The following ACTL8 variants were observed in gnomAD, a reference collection of about 807,000 sequenced individuals.
ACTL8 encodes actin-like protein 8.
A neutral mutation model predicts 9.3 loss-of-function variants in ACTL8; 3 were observed. The ratio of observed to expected loss-of-function variants is 0.32; its 90% CI spans 0.15 to 0.83. ACTL8 has a LOEUF of 0.83. ACTL8 is among the 40% of genes least tolerant of loss of function. ACTL8 has a pLI of 0.57. For missense variants in ACTL8, 381 were observed against 492.2 expected, an observed-to-expected ratio of 0.77 and a Z score of 2.14; for synonymous variants, 224 against 205.9, an observed-to-expected ratio of 1.09 and a Z score of -0.75.
intron 1 of ACTL8, among the ~76,000 whole-genome samples, chr1:17,781,482 G>T (rs956386736): frequency 2.0e-5 from 3 of 152,070 alleles, no homozygotes; most frequent in Non-Finnish European, 2.9e-5. Context: ...CAGGTGATCT[G>T]CCTGCCTCGA....
In ACTL8 at chr1:17,826,325, C is replaced by T; in HGVS notation, c.907C>T (p.Leu303Phe). 6.2e-7 allele frequency: 1 copy of T among 1,613,704 alleles called. No homozygotes were observed. Among genetic ancestry groups the T allele is most frequent in the Non-Finnish European group, 8.5e-7 (1 of 1,179,764 alleles). Residue 303 changes from leucine (L) to phenylalanine (F), a missense_variant, in exon 3 of 3, where the codon CTC becomes TTC. Around this residue, in one of 3 missense-constraint regions of ACTL8, gnomAD observed 243 missense variants for 276.2 expected, o/e 0.88. Coordinates refer to ENST00000375406, the MANE Select transcript of ACTL8 (RefSeq NM_030812.3). The surrounding 1 kb of genome is among the most constrained non-coding windows in gnomAD (Gnocchi z 4.5). ...SHVMACGGNT[L>F]YPGFTKRLFR... ...CGTGATGGCCTGCGGGGGCAACACC[C>T]TCTATCCCGGGTTCACAAAGCGCCT...
At chr1:17,768,724 G>A (rs2066063400) in intron 1 of ACTL8, among the ~76,000 whole-genome samples, 1 of 152,190 alleles carries the variant, frequency 6.6e-6, no homozygotes, top group Non-Finnish European at 1.5e-5. Context: ...ATGGAGCTCT[G>A]AGTCAGGCTC....
chr1:17,817,779 C>T (rs2066437901), intron 1 of ACTL8, among the ~76,000 whole-genome samples: 1 of 151,998 alleles, frequency 6.6e-6, no homozygotes, highest in Admixed American at 6.6e-5. Context: ...CGGCTCACTG[C>T]ACCCTCCATC....
chr1:17,808,228 C>T (rs956893418), intron 1 of ACTL8, among the ~76,000 whole-genome samples: 4 of 152,186 alleles, frequency 2.6e-5, no homozygotes, highest in African/African-American at 9.7e-5. Context: ...AAACATTGCA[C>T]AGACTTGAGG....
chr1:17,785,643 C>T (rs1190211529), intron 1 of ACTL8, among the ~76,000 whole-genome samples: 1 of 152,210 alleles, frequency 6.6e-6, no homozygotes, highest in Admixed American at 6.5e-5. Flanking sequence ...CTCACTATGG[C>T]TCCAGATAGT....
At chr1:17,825,678 C>T in intron 2 of ACTL8, 89 bp from the exon 3 acceptor site, 3 of 1,501,750 alleles carry the variant, frequency 2.0e-6, no homozygotes, top group Non-Finnish European at 2.7e-6. Flanking sequence ...CCGAGAGTCC[C>T]CCCGAGGATG....
intron 1 of ACTL8, among the ~76,000 whole-genome samples, chr1:17,780,587 G>A (rs546083432): frequency 2.0e-5 from 3 of 152,184 alleles, no homozygotes; most frequent in South Asian, 2.1e-4. Context: ...GGGTGTGTTC[G>A]AAGTAATGTA....
intron 1 of ACTL8, among the ~76,000 whole-genome samples, chr1:17,778,157 G>C (rs2066129978): frequency 6.6e-6 from 1 of 152,216 alleles, no homozygotes; most frequent in African/African-American, 2.4e-5. Flanking sequence ...TCTGTGCTTA[G>C]CAGCAAAAAG....
chr1:17,808,510 G>T (rs2066373566), intron 1 of ACTL8, among the ~76,000 whole-genome samples: 2 of 152,220 alleles, frequency 1.3e-5, no homozygotes, highest in African/African-American at 2.4e-5. Context: ...TCAAAGGTGG[G>T]TGGCGTGGGG....
chr1:17,768,655 C>T (rs1156810652), intron 1 of ACTL8, among the ~76,000 whole-genome samples: 3 of 152,104 alleles, frequency 2.0e-5, no homozygotes, highest in African/African-American at 7.2e-5. Context: ...GTTTTGGACA[C>T]AGTGATCCGG....
intron 1 of ACTL8, among the ~76,000 whole-genome samples, chr1:17,792,002 CT>C (rs1253958260): frequency 6.6e-6 from 1 of 151,830 alleles, no homozygotes; most frequent in African/African-American, 2.4e-5. Context: ...CCTGCCCCCC[CT>C]CATCAACCCC....
At chr1:17,810,826 A>G (rs2066389261) in intron 1 of ACTL8, among the ~76,000 whole-genome samples, 1 of 152,214 alleles carries the variant, frequency 6.6e-6, no homozygotes, top group African/African-American at 2.4e-5. Flanking sequence ...GTTGTCATGT[A>G]TATCAATAGT....
chr1:17,818,252 A>G (rs78148637), intron 1 of ACTL8, among the ~76,000 whole-genome samples: 3,093 of 152,270 alleles, frequency 0.02, 102 homozygotes, highest in African/African-American at 0.07. Context: ...ATTTCAGTCT[A>G]TGAGCCTTAC....
intron 1 of ACTL8, among the ~76,000 whole-genome samples, chr1:17,782,826 C>G (rs1040153225): frequency 2.6e-5 from 4 of 152,224 alleles, no homozygotes; most frequent in Admixed American, 6.5e-5. Flanking sequence ...ATGTACACAT[C>G]TCAAACGCCT....
chr1:17,795,798 C>G (rs1231384756), intron 1 of ACTL8, among the ~76,000 whole-genome samples: 1 of 152,128 alleles, frequency 6.6e-6, no homozygotes, highest in Admixed American at 6.6e-5. Flanking sequence ...TCACCTTCCC[C>G]GAGTTCGAGG....
intron 1 of ACTL8, among the ~76,000 whole-genome samples, chr1:17,781,029 C>CTGATCA (rs2066151233): frequency 2.6e-5 from 4 of 152,216 alleles, no homozygotes; most frequent in Non-Finnish European, 5.9e-5. Flanking sequence ...GATCGGTCAG[C>CTGATCA]AGACTGAGAT....
chr1:17,794,650 TTTTA>T (rs1460848951), intron 1 of ACTL8, among the ~76,000 whole-genome samples: 3 of 152,202 alleles, frequency 2.0e-5, no homozygotes, highest in Non-Finnish European at 2.9e-5. Flanking sequence ...TTTGCATAAT[TTTTA>T]TTTGTGTCTT....
chr1:17,769,428 G>T (rs1460979837), intron 1 of ACTL8, among the ~76,000 whole-genome samples: 1 of 152,218 alleles, frequency 6.6e-6, no homozygotes, highest in African/African-American at 2.4e-5. Context: ...CACGTTTGTA[G>T]CTGGTAGATA....
In ACTL8 at chr1:17,767,363, C is replaced by T. The variant is rs1380401093; in HGVS notation, c.-25+11859C>T. On this transcript the variant is annotated intron_variant, in intron 1 of 2. Transcript: ENST00000375406. The surrounding 1 kb of genome is among the most constrained non-coding windows in gnomAD (Gnocchi z 4.7). ...GAGGCAGGGGGGCCAGTGTGGGGGC[C>T]GTCCCTGTGGTACAGGGGTGAGACG... Among the ~76,000 whole-genome samples, 1 of 152,096 alleles carries T rather than the reference C, an allele frequency of 6.6e-6. No homozygotes were observed. The highest frequency in any genetic ancestry group is 2.4e-5 in the African/African-American group (1 of 41,422).
Sources: gnomAD v4.1 joint callset for allele counts (sites outside exome capture counted in the v4.1 genomes callset) on GRCh38, gnomAD v4.1.1 for gene constraint, gnomAD v4.1.1 regional missense constraint, Gnocchi (gnomAD v3.1) non-coding constraint, MANE v1.5 for transcripts, NCBI Gene and HGNC (gene_info 2026-07-23, HGNC 2026-07-21) for gene names.